The following BMPR1B variants were observed in gnomAD, a reference collection of about 807,000 sequenced individuals.
The protein encoded by BMPR1B is bone morphogenetic protein receptor type-1B.
BMPR1B carries 12 observed loss-of-function variants against 59.1 expected under a neutral mutation model. The observed-to-expected ratio is 0.20, with a 90% CI of 0.13 to 0.33. The LOEUF (loss-of-function observed/expected upper bound fraction) is 0.33, where lower values mean the gene tolerates loss of function less well. Ranked by LOEUF, BMPR1B falls within the 10% of genes least tolerant of loss-of-function variation. The pLI is 1.00. For missense variants in BMPR1B, 550 were observed against 610.9 expected, an observed-to-expected ratio of 0.90 and a Z score of 1.05; for synonymous variants, 237 against 207.3, an observed-to-expected ratio of 1.14 and a Z score of -1.23.
At chr4:95,141,093 C>G (rs572562954) in intron 10 of BMPR1B, among the ~76,000 whole-genome samples, 1 of 152,298 alleles carries the variant, frequency 6.6e-6, no homozygotes, top group African/African-American at 2.4e-5. Flanking sequence ...GTGAGGCCAT[C>G]TACCTTTCTG....
At chr4:95,074,575 A>G (rs1728562420) in intron 3 of BMPR1B, among the ~76,000 whole-genome samples, 1 of 151,948 alleles carries the variant, frequency 6.6e-6, no homozygotes, top group South Asian at 2.1e-4. Flanking sequence ...GCCCTGTCCT[A>G]CCACTTCCAG....
At chr4:95,071,712 G>T (rs1227333757) in intron 3 of BMPR1B, among the ~76,000 whole-genome samples, 2 of 142,732 alleles carry the variant, frequency 1.4e-5, no homozygotes, top group Non-Finnish European at 3.0e-5. Flanking sequence ...TGAAATTACA[G>T]TTCTTGCTTT....
intron 1 of BMPR1B, among the ~76,000 whole-genome samples, chr4:94,854,578 A>G (rs925863511): frequency 6.6e-6 from 1 of 152,184 alleles, no homozygotes; most frequent in African/African-American, 2.4e-5. Flanking sequence ...GATAAATACT[A>G]TGCATTTATA....
At chr4:94,853,568 A>C (rs1233852645) in intron 1 of BMPR1B, among the ~76,000 whole-genome samples, 1 of 152,056 alleles carries the variant, frequency 6.6e-6, no homozygotes, top group Non-Finnish European at 1.5e-5. Context: ...GGTAACTTTT[A>C]TTGTTTTTGG....
intron 2 of BMPR1B, among the ~76,000 whole-genome samples, chr4:94,885,736 A>G (rs547841850): frequency 6.6e-6 from 1 of 152,330 alleles, no homozygotes; most frequent in East Asian, 1.9e-4. Context: ...AAAGAGCTCA[A>G]TCTAATTATT....
chr4:95,022,701 A>G (rs1448951101), intron 3 of BMPR1B, among the ~76,000 whole-genome samples: 1 of 152,116 alleles, frequency 6.6e-6, no homozygotes, highest in African/African-American at 2.4e-5. Flanking sequence ...GTTCATTTCT[A>G]TGGCATCAAT....
At position 95,123,905 on chromosome 4, in the gene BMPR1B, C is replaced by T. The variant is rs34231464; in HGVS notation, c.445C>T (p.Arg149Trp). ...CCTTATCATATTATTTTGTTACTTC[C>T]GGTAAGTTTCTAACATGTAGATGCA... is the stretch of plus-strand genomic sequence containing the variant. ...LVLIILFCYF[R>W]YKRQETRPRY... The change falls in exon 7 of 13, where the codon CGG (arginine) becomes TGG (tryptophan). Residue 149 changes from arginine (R) to tryptophan (W), a missense_variant and splice_region_variant. Arg to Trp is a moderately radical substitution (Grantham distance 101). This residue lies in a region of BMPR1B where 318 missense variants were observed against 284.6 expected (regional missense o/e 1.12). Coordinates refer to ENST00000515059, the MANE Select transcript of BMPR1B (RefSeq NM_001203.3). The T allele has an allele frequency of 1.1e-3, 1,706 of 1,604,668 alleles. 17 individuals are homozygous for T. The South Asian group carries it at 0.014, about 13-fold the overall frequency.
At chr4:94,891,014 A>G (rs943734003) in intron 2 of BMPR1B, among the ~76,000 whole-genome samples, 3 of 152,070 alleles carry the variant, frequency 2.0e-5, no homozygotes, top group African/African-American at 4.8e-5. Flanking sequence ...TAGTTGGAAA[A>G]TAGTAATTGG....
intron 2 of BMPR1B, among the ~76,000 whole-genome samples, chr4:94,991,263 C>T (rs1163969221): frequency 6.6e-6 from 1 of 152,122 alleles, no homozygotes; most frequent in East Asian, 1.9e-4. Context: ...TTGTTTACTT[C>T]TCATTGTACA....
chr4:95,086,413 G>A (rs1335231522), intron 3 of BMPR1B, among the ~76,000 whole-genome samples: 2 of 152,136 alleles, frequency 1.3e-5, no homozygotes, highest in African/African-American at 4.8e-5. Flanking sequence ...AGCCATTAAT[G>A]CGAACCAGTA....
intron 3 of BMPR1B, among the ~76,000 whole-genome samples, chr4:95,046,140 A>G (rs1476412290): frequency 1.3e-5 from 2 of 152,110 alleles, no homozygotes; most frequent in African/African-American, 2.4e-5. Flanking sequence ...CCTGGGCTCA[A>G]TCAAGCAGCC....
chr4:95,136,563 TATTA>T, intron 10 of BMPR1B, among the ~76,000 whole-genome samples: 1 of 152,312 alleles, frequency 6.6e-6, no homozygotes, highest in Non-Finnish European at 1.5e-5. Flanking sequence ...GTTGGTAGGC[TATTA>T]ATTATTGCCT....
intron 3 of BMPR1B, among the ~76,000 whole-genome samples, chr4:95,031,747 G>A (rs953585550): frequency 1.3e-5 from 2 of 152,146 alleles, no homozygotes; most frequent in Non-Finnish European, 1.5e-5. Flanking sequence ...GTTGAACAAA[G>A]GGGTTTAAAA....
chr4:95,008,429 T>C lies in BMPR1B; in HGVS notation c.-18+12295T>C, dbSNP rs564297622. Among the ~76,000 whole-genome samples the C allele has an allele frequency of 3.3e-5, 5 of 152,292 alleles. No individual in the cohort carries two copies. In the East Asian group the frequency reaches 9.6e-4, roughly 29 times the overall value. On this transcript the variant is annotated intron_variant, in intron 3 of 12. Coordinates refer to ENST00000515059, the MANE Select transcript of BMPR1B (RefSeq NM_001203.3). ...ACACTTATTCTTGTTGAGGTTCCAG[T>C]AAGCCTTGAGTCCAAGCTGCCACTA...
At chr4:94,943,112 A>G (rs1006088598) in intron 2 of BMPR1B, among the ~76,000 whole-genome samples, 2 of 152,154 alleles carry the variant, frequency 1.3e-5, no homozygotes, top group Non-Finnish European at 2.9e-5. Flanking sequence ...ATGGCTCTGG[A>G]AATCAGTCGG....
intron 1 of BMPR1B, among the ~76,000 whole-genome samples, chr4:94,818,946 A>G (rs1251715778): frequency 6.6e-6 from 1 of 152,116 alleles, no homozygotes; most frequent in Admixed American, 6.5e-5. Flanking sequence ...AGCCTGAGCA[A>G]TATGGCAAGA....
intron 3 of BMPR1B, among the ~76,000 whole-genome samples, chr4:95,101,634 A>G (rs965782150): frequency 1.3e-5 from 2 of 151,952 alleles, no homozygotes; most frequent in Non-Finnish European, 2.9e-5. Context: ...TTTATTATCA[A>G]TTCAATATAT....
At chr4:94,857,204 CT>C (rs1353082913) in intron 1 of BMPR1B, among the ~76,000 whole-genome samples, 5 of 152,074 alleles carry the variant, frequency 3.3e-5, no homozygotes, top group African/African-American at 9.7e-5. Context: ...AAAGGCCTTA[CT>C]CTTATGCAAA....
intron 3 of BMPR1B, among the ~76,000 whole-genome samples, chr4:95,081,956 G>T (rs552252151): frequency 1.3e-5 from 2 of 151,892 alleles, no homozygotes; most frequent in African/African-American, 2.4e-5. Flanking sequence ...AATATAATGG[G>T]TTTATTATTT....
Sources: gnomAD v4.1 joint callset for allele counts (sites outside exome capture counted in the v4.1 genomes callset) on GRCh38, gnomAD v4.1.1 for gene constraint, gnomAD v4.1.1 regional missense constraint, MANE v1.5 for transcripts, NCBI Gene and HGNC (gene_info 2026-07-23, HGNC 2026-07-21) for gene names.